Variants in STPG2 observed in about 807,000 individuals in gnomAD.
The protein encoded by STPG2 is sperm tail PG-rich repeat containing 2, also known as sperm-tail PG-rich repeat-containing protein 2.
In STPG2, 56 loss-of-function variants were observed where a neutral mutation model predicts 54.2. That is an observed-to-expected ratio of 1.03 (90% confidence interval 0.83 to 1.29). STPG2 has a LOEUF of 1.29. STPG2 is among the 50% of genes most tolerant of loss of function. The probability of loss-of-function intolerance (pLI) is 0.00; values close to 1 mark genes in which losing one functional copy is unlikely to be tolerated. For synonymous variants in STPG2, 200 were observed against 181.8 expected (o/e 1.10, Z -0.81); for missense variants, 596 against 544.9 (o/e 1.09, Z -0.93).
intron 10 of STPG2, among the ~76,000 whole-genome samples, chr4:97,583,927 T>C (rs530778157): frequency 4.4e-4 from 67 of 151,844 alleles, no homozygotes; most frequent in Middle Eastern, 3.4e-3. Flanking sequence ...ACAATAGTAG[T>C]GGGGGGCTTC....
chr4:98,069,853 G>A (rs1737946984), intron 5 of STPG2, among the ~76,000 whole-genome samples: 1 of 151,962 alleles, frequency 6.6e-6, no homozygotes, highest in Admixed American at 6.6e-5. Flanking sequence ...ACTTCCAAGG[G>A]TAGAAGTGCT....
intron 7 of STPG2, among the ~76,000 whole-genome samples, chr4:97,955,106 T>C (rs573598659): frequency 6.6e-6 from 1 of 152,272 alleles, no homozygotes; most frequent in South Asian, 2.1e-4. Flanking sequence ...AATAGATTGA[T>C]TTAATGGTAG....
intron 5 of STPG2, among the ~76,000 whole-genome samples, chr4:97,985,758 T>C (rs1438781829): frequency 6.6e-6 from 1 of 152,220 alleles, no homozygotes; most frequent in Non-Finnish European, 1.5e-5. Context: ...TATTCTTTTC[T>C]ATTTCTAAAA....
intron 8 of STPG2, among the ~76,000 whole-genome samples, chr4:97,929,451 C>T (rs1277398418): frequency 6.6e-6 from 1 of 152,132 alleles, no homozygotes; most frequent in East Asian, 1.9e-4. Flanking sequence ...GGAATTGCCA[C>T]ACTGTCTTCT....
intron 8 of STPG2, among the ~76,000 whole-genome samples, chr4:97,860,178 T>A (rs1191296957): frequency 6.6e-6 from 1 of 152,206 alleles, no homozygotes; most frequent in Admixed American, 6.5e-5. Context: ...CCAAATTAGT[T>A]CCTTTTTCTT....
At chr4:97,729,591 A>G (rs1370485740) in intron 9 of STPG2, among the ~76,000 whole-genome samples, 1 of 152,172 alleles carries the variant, frequency 6.6e-6, no homozygotes, top group Admixed American at 6.5e-5. Flanking sequence ...TCTTTCCCCT[A>G]TTACACAATC....
chr4:97,561,141 T>G (rs1413769312), intron 10 of STPG2, among the ~76,000 whole-genome samples: 1 of 152,076 alleles, frequency 6.6e-6, no homozygotes, highest in Non-Finnish European at 1.5e-5. Context: ...ATGATTGCCA[T>G]TCTAACTGGT....
At chr4:97,850,614 C>A (rs181646844) in intron 8 of STPG2, among the ~76,000 whole-genome samples, 140 of 151,862 alleles carry the variant, frequency 9.2e-4, no homozygotes, top group South Asian at 2.3e-3. Flanking sequence ...TTATTTTCTA[C>A]TTCTTGCAAA....
Position 97,441,991 on chromosome 4 carries a change from T to C in STPG2, c.463-254158A>G, listed in dbSNP as rs566530016. Reference sequence around the variant, plus strand: ...AAAAATATTTTATAACAAATTTAGTTATAAAATAAACTTGTAACACATTAG... The same window carrying C: ...AAAAATATTTTATAACAAATTTAGTCATAAAATAAACTTGTAACACATTAG... On this transcript the variant is annotated intron_variant, in intron 4 of 4. Coordinates refer to the STPG2 transcript ENST00000522676. Among the ~76,000 whole-genome samples the C allele has an allele frequency of 2.0e-5, 3 of 152,160 alleles. No homozygotes were observed. In the South Asian group the frequency reaches 6.2e-4, roughly 32 times the overall value.
At chr4:97,638,421 G>A (rs1415289840) in intron 10 of STPG2, among the ~76,000 whole-genome samples, 1 of 152,052 alleles carries the variant, frequency 6.6e-6, no homozygotes, top group African/African-American at 2.4e-5. Context: ...TACCATTCAG[G>A]ACATAGGCAT....
At chr4:97,877,830 T>C (rs1730234026) in intron 8 of STPG2, among the ~76,000 whole-genome samples, 1 of 152,190 alleles carries the variant, frequency 6.6e-6, no homozygotes, top group South Asian at 2.1e-4. Context: ...TCTTAACTCA[T>C]TTCAGCATTA....
intron 9 of STPG2, among the ~76,000 whole-genome samples, chr4:97,763,544 T>C: frequency 6.6e-6 from 1 of 152,156 alleles, no homozygotes; most frequent in African/African-American, 2.4e-5. Flanking sequence ...AACCTACAAG[T>C]AGGGACCAAA....
At chr4:97,592,544 A>C (rs1349248852) in intron 10 of STPG2, among the ~76,000 whole-genome samples, 1 of 152,192 alleles carries the variant, frequency 6.6e-6, no homozygotes, top group Non-Finnish European at 1.5e-5. Context: ...GATTCAAAAC[A>C]GCCAACTAGC....
At chr4:97,450,912 A>G (rs1019757281) in intron 4 of STPG2, among the ~76,000 whole-genome samples, 1 of 152,156 alleles carries the variant, frequency 6.6e-6, no homozygotes, top group African/African-American at 2.4e-5. Flanking sequence ...GTGTACTACT[A>G]ATTTCAAAGG....
chr4:97,921,986 C>A (rs904352112), intron 8 of STPG2, among the ~76,000 whole-genome samples: 2 of 152,036 alleles, frequency 1.3e-5, no homozygotes, highest in African/African-American at 4.8e-5. Flanking sequence ...CTCTTAAAAG[C>A]AGAGAGTAGA....
At chr4:97,565,025 G>T (rs1034600927) in intron 10 of STPG2, among the ~76,000 whole-genome samples, 19 of 152,176 alleles carry the variant, frequency 1.2e-4, no homozygotes, top group African/African-American at 4.6e-4. Flanking sequence ...ATCCTGCAGA[G>T]TGTTTTCCAA....
At chr4:97,580,905 A>T (rs1337894418) in intron 10 of STPG2, among the ~76,000 whole-genome samples, 9 of 152,080 alleles carry the variant, frequency 5.9e-5, no homozygotes, top group Non-Finnish European at 1.3e-4. Context: ...CCTGCTTTGT[A>T]AAAAATATGC....
intron 5 of STPG2, among the ~76,000 whole-genome samples, chr4:98,094,066 T>C (rs1738772021): frequency 6.6e-6 from 1 of 152,154 alleles, no homozygotes; most frequent in Non-Finnish European, 1.5e-5. Context: ...CCTAGGGAGA[T>C]ACCAGCTGGT....
chr4:97,689,872 A>C (rs968407126), intron 10 of STPG2, among the ~76,000 whole-genome samples: 2 of 152,088 alleles, frequency 1.3e-5, no homozygotes, highest in Non-Finnish European at 2.9e-5. Flanking sequence ...TTACAAGCAT[A>C]GAAATCTCTA....
Sources: gnomAD v4.1 joint callset for allele counts (sites outside exome capture counted in the v4.1 genomes callset) on GRCh38, gnomAD v4.1.1 for gene constraint, MANE v1.5 for transcripts, NCBI Gene and HGNC (gene_info 2026-07-23, HGNC 2026-07-21) for gene names.